The following EYS variants were observed in gnomAD, a reference collection of about 807,000 sequenced individuals.
EYS encodes EGF-like photoreceptor maintenance factor, also known as protein eyes shut homolog.
Under a neutral mutation model 282.1 loss-of-function variants are expected in EYS, and 250 were observed. The observed-to-expected ratio is 0.89, with a 90% CI of 0.80 to 0.98. The LOEUF (loss-of-function observed/expected upper bound fraction) is 0.98, where lower values mean the gene tolerates loss of function less well. EYS is among the 50% of genes least tolerant of loss of function. The pLI is 0.00. For missense variants in EYS, 4,016 were observed against 3,709.0 expected (o/e 1.08, Z -2.15); for synonymous variants, 1,355 against 1,282.9 (o/e 1.06, Z -1.20).
At chr6:65,329,904 C>T (rs1769734318) in intron 11 of EYS, 3 of 979,864 alleles carry the variant, frequency 3.1e-6, no homozygotes, top group Non-Finnish European at 2.4e-6. Context: ...AGATTCTACA[C>T]TTTGAAACAG....
At chr6:63,837,430 T>G (rs1771837927) in intron 36 of EYS, among the ~76,000 whole-genome samples, 1 of 152,178 alleles carries the variant, frequency 6.6e-6, no homozygotes, top group African/African-American at 2.4e-5. Context: ...GAAGTTGAGG[T>G]GGCAAATATA....
At chr6:63,909,447 A>G (rs539978412) in intron 35 of EYS, among the ~76,000 whole-genome samples, 2 of 152,344 alleles carry the variant, frequency 1.3e-5, no homozygotes, top group East Asian at 3.9e-4. Flanking sequence ...TTTGGCTAAT[A>G]CATTCATCAG....
intron 26 of EYS, among the ~76,000 whole-genome samples, chr6:64,548,490 A>T (rs2149803806): frequency 6.6e-6 from 1 of 152,332 alleles, no homozygotes; most frequent in Non-Finnish European, 1.5e-5. Context: ...ATGGAATGCT[A>T]TTCAGTCATA....
intron 32 of EYS, among the ~76,000 whole-genome samples, chr6:64,076,476 T>C (rs1771774449): frequency 6.6e-6 from 1 of 151,920 alleles, no homozygotes; most frequent in South Asian, 2.1e-4. Flanking sequence ...GTAACTCCCA[T>C]AATTCCCATG....
intron 14 of EYS, among the ~76,000 whole-genome samples, chr6:64,960,964 A>G (rs1320415634): frequency 6.6e-6 from 1 of 152,196 alleles, no homozygotes; most frequent in Non-Finnish European, 1.5e-5. Flanking sequence ...AGCTCCATCC[A>G]TATCCCTGCA....
intron 34 of EYS, among the ~76,000 whole-genome samples, chr6:63,986,968 A>G (rs1429620751): frequency 6.6e-6 from 1 of 151,664 alleles, no homozygotes; most frequent in East Asian, 1.9e-4. Flanking sequence ...AGACTATCTT[A>G]AAGGCAACCA....
intron 12 of EYS, among the ~76,000 whole-genome samples, chr6:65,143,448 A>T (rs1764400020): frequency 6.6e-6 from 1 of 152,058 alleles, no homozygotes. Flanking sequence ...TAGATTTATT[A>T]TAACCAATAA....
At chr6:64,657,576 C>T (rs1180629273) in intron 22 of EYS, among the ~76,000 whole-genome samples, 7 of 152,068 alleles carry the variant, frequency 4.6e-5, no homozygotes, top group Admixed American at 2.6e-4. Flanking sequence ...TCAGAATTTG[C>T]TTGTCTGTAA....
chr6:64,484,507 G>T (rs1776526535), intron 26 of EYS, among the ~76,000 whole-genome samples: 1 of 151,618 alleles, frequency 6.6e-6, no homozygotes, highest in South Asian at 2.1e-4. Flanking sequence ...GGCAGCTATG[G>T]CTTGACATTG....
At chr6:64,870,943 G>A (rs928353961) in intron 19 of EYS, among the ~76,000 whole-genome samples, 17 of 151,794 alleles carry the variant, frequency 1.1e-4, no homozygotes, top group African/African-American at 1.4e-4. Context: ...GGGACTTGTG[G>A]GATACCATCA....
At chr6:65,406,684 T>C (rs1766753553) in intron 5 of EYS, among the ~76,000 whole-genome samples, 1 of 152,072 alleles carries the variant, frequency 6.6e-6, no homozygotes, top group South Asian at 2.1e-4. Context: ...CCTTCCCTCA[T>C]TTCTTTGTTT....
intron 12 of EYS, among the ~76,000 whole-genome samples, chr6:65,116,925 G>A (rs1775392644): frequency 2.0e-5 from 3 of 152,124 alleles, no homozygotes. Context: ...CAGTGGTTTA[G>A]GGGCTTCTGT....
At chr6:63,726,701 G>C in intron 41 of EYS, 21 bp from the exon 42 acceptor site, 1 of 1,540,896 alleles carries the variant, frequency 6.5e-7, no homozygotes, top group Non-Finnish European at 8.8e-7. Flanking sequence ...GAGAGAAAGA[G>C]AACTCTGGGA....
At chr6:64,841,530 G>A (rs1364995764) in intron 19 of EYS, among the ~76,000 whole-genome samples, 8 of 152,044 alleles carry the variant, frequency 5.3e-5, no homozygotes, top group Non-Finnish European at 8.8e-5. Context: ...ATAGTTCTTG[G>A]TCAACAAATT....
intron 22 of EYS, among the ~76,000 whole-genome samples, chr6:64,760,593 C>T (rs1046181741): frequency 2.0e-5 from 3 of 152,122 alleles, no homozygotes; most frequent in Non-Finnish European, 2.9e-5. Context: ...ATGGCCATGG[C>T]AAAGAAAGCT....
chr6:64,664,380 C>G (rs1769155495), intron 22 of EYS, among the ~76,000 whole-genome samples: 2 of 152,156 alleles, frequency 1.3e-5, no homozygotes, highest in South Asian at 4.1e-4. Context: ...AGCTGAGTTA[C>G]AAGCTCCGTG....
chr6:65,414,943 T>C (rs1767172520), intron 5 of EYS, among the ~76,000 whole-genome samples: 1 of 151,656 alleles, frequency 6.6e-6, no homozygotes, highest in Admixed American at 6.6e-5. Flanking sequence ...GTATAGAAAA[T>C]ATAAAGATGG....
intron 12 of EYS, among the ~76,000 whole-genome samples, chr6:65,183,726 TC>T (rs1203118217): frequency 7.9e-5 from 12 of 151,856 alleles, no homozygotes; most frequent in African/African-American, 2.9e-4. Context: ...TATTTTTGAT[TC>T]TCTTGAAACA....
intron 12 of EYS, among the ~76,000 whole-genome samples, chr6:65,272,822 A>C (rs1767941036): frequency 6.6e-6 from 1 of 152,182 alleles, no homozygotes. Context: ...ATATCTAAAA[A>C]TAACTTTATG....
Sources: gnomAD v4.1 joint callset for allele counts (sites outside exome capture counted in the v4.1 genomes callset) on GRCh38, gnomAD v4.1.1 for gene constraint, MANE v1.5 for transcripts, NCBI Gene and HGNC (gene_info 2026-07-23, HGNC 2026-07-21) for gene names.